The following EIF2AK2 variants were observed in gnomAD, a reference collection of about 807,000 sequenced individuals.
EIF2AK2 encodes eukaryotic translation initiation factor 2 alpha kinase 2.
A neutral mutation model predicts 70.5 loss-of-function variants in EIF2AK2; 40 were observed. The observed-to-expected ratio is 0.57, with a 90% CI of 0.44 to 0.74. The LOEUF is 0.74. Ranked by LOEUF, EIF2AK2 falls within the 30% of genes least tolerant of loss-of-function variation. The pLI, the probability that EIF2AK2 is intolerant of heterozygous loss-of-function variation, is 0.00. For synonymous variants in EIF2AK2, 198 were observed against 220.9 expected, an observed-to-expected ratio of 0.90 and a Z score of 0.92; for missense variants, 555 against 644.3, an observed-to-expected ratio of 0.86 and a Z score of 1.50.
intron 14 of EIF2AK2, among the ~76,000 whole-genome samples, chr2:37,111,398 CTTTTT>C (rs567678890): frequency 7.6e-6 from 1 of 130,872 alleles, no homozygotes; most frequent in Non-Finnish European, 1.7e-5. Context: ...AATTTCTTTT[CTTTTT>C]TTTTTTTTTT....
intron 10 of EIF2AK2, among the ~76,000 whole-genome samples, chr2:37,133,096 A>G (rs984407378): frequency 3.9e-5 from 6 of 152,076 alleles, no homozygotes; most frequent in African/African-American, 1.4e-4. Flanking sequence ...ATCCCCTATC[A>G]ACCCCAGTCT....
intron 4 of EIF2AK2, among the ~76,000 whole-genome samples, chr2:37,146,503 T>C (rs1675544415): frequency 6.6e-6 from 1 of 152,194 alleles, no homozygotes; most frequent in Non-Finnish European, 1.5e-5. Context: ...TTCATCTCTT[T>C]TTCCTTTTTT....
At position 37,120,159 on chromosome 2, in the gene EIF2AK2, T is replaced by A; in HGVS notation, c.1068-20A>T. ...TTTGACCTGGGTATAAAATTCACAG[T>A]ATGTTAAAAGTAACAATAAATATAA... is the stretch of plus-strand genomic sequence containing the variant. On this transcript the variant is annotated intron_variant, in intron 12 of 16. Transcript: ENST00000233057. 1 of 1,363,334 alleles carries A rather than the reference T, an allele frequency of 7.3e-7. No individual in the cohort carries two copies. The allele number at this position is 1,363,334 out of a possible 1,614,324, so 84.5% of individuals were successfully genotyped here.
Position 37,147,684 on chromosome 2 carries a change from C to A in EIF2AK2, c.119+4G>T. 2 of 1,575,340 alleles carry A rather than the reference C, an allele frequency of 1.3e-6. No individual in the cohort carries two copies. The highest frequency in any genetic ancestry group is 8.7e-7 in the Non-Finnish European group (1 of 1,145,816). ...CTGCCATATCATTTTTTATAGCAAC[C>A]TACCTCCTATCATGTGGAGGTCCTG... On this transcript the variant is annotated splice_donor_region_variant and intron_variant, in intron 3 of 16. Coordinates refer to ENST00000233057, the MANE Select transcript of EIF2AK2 (RefSeq NM_001135651.3).
chr2:37,124,754 G>A (rs1573012639), intron 11 of EIF2AK2, among the ~76,000 whole-genome samples: 1 of 150,258 alleles, frequency 6.7e-6, no homozygotes, highest in Admixed American at 6.6e-5. Flanking sequence ...TGGAGATAGG[G>A]TCTCACTCTG....
In EIF2AK2 at chr2:37,137,011, G is replaced by C; in HGVS notation, c.694C>G (p.Leu232Val). The change falls in exon 9 of 17, where the codon CTC becomes GTC. Residue 232 changes from leucine (L) to valine (V), a missense_variant. Leu to Val is a conservative substitution (Grantham distance 32, BLOSUM62 1). Transcript: ENST00000233057. Reference sequence around the variant, plus strand: ...TTTGCCTTCCTTTGATTATTTCTGAGACCATTCTATAACAAAAGAAAATGA... The same window carrying C: ...TTTGCCTTCCTTTGATTATTTCTGACACCATTCTATAACAAAAGAAAATGA... ...LNSSSLLMNG[L>V]RNNQRKAKRS... 6.2e-7 allele frequency: 1 copy of C among 1,603,580 alleles called. No homozygotes were observed. Among genetic ancestry groups the C allele is most frequent in the Non-Finnish European group, 8.5e-7 (1 of 1,175,854 alleles).
intron 11 of EIF2AK2, among the ~76,000 whole-genome samples, chr2:37,125,590 A>C (rs1457552971): frequency 6.6e-6 from 1 of 152,178 alleles, no homozygotes; most frequent in African/African-American, 2.4e-5. Context: ...AGGTATTCTG[A>C]TTGACAGTCC....
At chr2:37,113,351 T>C (rs1241363625) in intron 14 of EIF2AK2, among the ~76,000 whole-genome samples, 1 of 151,800 alleles carries the variant, frequency 6.6e-6, no homozygotes. Flanking sequence ...AAAACTTAGC[T>C]GGGCATGGTG....
chr2:37,103,827 T>C lies in EIF2AK2; in HGVS notation c.*3446A>G, dbSNP rs1295872789. On this transcript the variant is annotated 3_prime_UTR_variant, in exon 17 of 17. Transcript: ENST00000233057. ...ATGACACACTTGGCCTCTAAATGTT[T>C]GTGCATGCATTGCCTAAAAAAACAT... The C allele has an allele frequency of 6.6e-6, 1 of 152,216 alleles. No individual in the cohort carries two copies. Among genetic ancestry groups the C allele is most frequent in the Non-Finnish European group, 1.5e-5 (1 of 68,038 alleles). 9.4% of individuals were successfully genotyped at this position (152,216 alleles called of 1,614,324 possible).
intron 1 of EIF2AK2, among the ~76,000 whole-genome samples, chr2:37,154,287 T>C (rs1053817703): frequency 1.3e-5 from 2 of 151,202 alleles, no homozygotes; most frequent in Non-Finnish European, 2.9e-5. Context: ...ATCGTGCCAT[T>C]GCACTCCAGC....
chr2:37,142,256 A>G (rs1247329058), intron 4 of EIF2AK2, among the ~76,000 whole-genome samples: 2 of 151,972 alleles, frequency 1.3e-5, no homozygotes, highest in Admixed American at 1.3e-4. Flanking sequence ...TCAGCCTCAC[A>G]AGCACCTGGA....
intron 2 of EIF2AK2, 36 bp from the exon 3 acceptor site, chr2:37,147,858 A>C (rs544104899): frequency 6.0e-5 from 86 of 1,424,466 alleles, no homozygotes; most frequent in Middle Eastern, 1.8e-4. Context: ...AGTGATGCTC[A>C]CAGAACATAT....
intron 10 of EIF2AK2, among the ~76,000 whole-genome samples, 164 bp downstream of exon 10, chr2:37,135,320 G>A (rs1025838472): frequency 3.9e-5 from 6 of 152,090 alleles, no homozygotes; most frequent in African/African-American, 1.4e-4. Flanking sequence ...CCATTCCTGG[G>A]CCCCCTCTTA....
At chr2:37,139,059 G>A (rs1292234434) in intron 6 of EIF2AK2, among the ~76,000 whole-genome samples, 5 of 151,592 alleles carry the variant, frequency 3.3e-5, no homozygotes, top group African/African-American at 7.3e-5. Context: ...GCTCAAGCCT[G>A]TAAACCCCAG....
intron 10 of EIF2AK2, among the ~76,000 whole-genome samples, chr2:37,132,288 C>T (rs1279788543): frequency 6.8e-6 from 1 of 147,900 alleles, no homozygotes; most frequent in African/African-American, 2.5e-5. Context: ...TTAGTCCTAC[C>T]TGACCCTGAA....
intron 10 of EIF2AK2, among the ~76,000 whole-genome samples, chr2:37,132,303 C>T (rs1674970642): frequency 9.7e-6 from 1 of 102,910 alleles, no homozygotes; most frequent in African/African-American, 3.9e-5. Context: ...CCTGAAAAAA[C>T]AACTCTTGGC....
At chr2:37,154,389 C>T (rs574270704) in intron 1 of EIF2AK2, among the ~76,000 whole-genome samples, 2 of 152,180 alleles carry the variant, frequency 1.3e-5, no homozygotes, top group African/African-American at 2.4e-5. Flanking sequence ...GCAGTCTCCA[C>T]AAGCCACTGA....
At chr2:37,115,923 G>A (rs1198219718) in intron 13 of EIF2AK2, among the ~76,000 whole-genome samples, 1 of 151,872 alleles carries the variant, frequency 6.6e-6, no homozygotes, top group African/African-American at 2.4e-5. Flanking sequence ...GTAAGATGGA[G>A]CCTCGCTCTG....
intron 12 of EIF2AK2, 138 bp downstream of exon 12, chr2:37,122,368 T>C: frequency 2.1e-6 from 2 of 950,822 alleles, no homozygotes; most frequent in Non-Finnish European, 3.0e-6. Context: ...ACCTTCGGAA[T>C]GGAGAGATAA....
Sources: allele counts gnomAD v4.1 joint callset (sites outside exome capture counted in the v4.1 genomes callset), GRCh38; gene constraint gnomAD v4.1.1; transcripts MANE v1.5; gene names NCBI Gene and HGNC (gene_info 2026-07-23, HGNC 2026-07-21).